ANXA8: variants seen among roughly 807,000 people sequenced by gnomAD.
ANXA8 encodes the protein VAC-beta.
Under a neutral mutation model 26.8 loss-of-function variants are expected in ANXA8, and 9 were observed. The ratio of observed to expected loss-of-function variants is 0.34; its 90% CI spans 0.20 to 0.59. ANXA8 has a LOEUF of 0.59. Among genes scored for constraint, ANXA8 ranks in the 20% least tolerant of loss-of-function variants. The pLI, the probability that ANXA8 is intolerant of heterozygous loss-of-function variation, is 0.84. For synonymous variants in ANXA8, 39 were observed against 94.8 expected (o/e 0.41, Z 3.42); for missense variants, 83 against 238.5 (o/e 0.35, Z 4.29).
chr10:47,741,839 A>ATTTTT, the ANXA8 span, among the ~76,000 whole-genome samples: 1 of 123,194 alleles, frequency 8.1e-6, no homozygotes, highest in African/African-American at 2.9e-5. Flanking sequence ...ATAAACAGGG[A>ATTTTT]TTTTTTTTTT....
At chr10:47,743,371 C>CATAT in the ANXA8 span, among the ~76,000 whole-genome samples, 197 of 48,458 alleles carry the variant, frequency 4.1e-3, 5 homozygotes, top group African/African-American at 9.1e-3. Context: ...TATATATATA[C>CATAT]ATATATATGT....
the ANXA8 span, among the ~76,000 whole-genome samples, chr10:47,905,388 T>TA: frequency 7.1e-6 from 1 of 141,664 alleles, no homozygotes; most frequent in Non-Finnish European, 1.5e-5. Context: ...AAGTCAGCTT[T>TA]AATTAAACTG....
the ANXA8 span, among the ~76,000 whole-genome samples, chr10:47,587,023 G>C: frequency 6.8e-6 from 1 of 146,240 alleles, no homozygotes; most frequent in East Asian, 1.9e-4. Context: ...TGGTCAACAT[G>C]GTGAAATCCC....
chr10:47,743,281 C>CATATAT, the ANXA8 span, among the ~76,000 whole-genome samples: 3 of 64,716 alleles, frequency 4.6e-5, no homozygotes, highest in Admixed American at 2.3e-4. Context: ...TATATATACA[C>CATATAT]ACATATATAT....
chr10:47,488,713 A>ATTTTTTT (rs1160121365), upstream of ANXA8, among the ~76,000 whole-genome samples: 72 of 62,128 alleles, frequency 1.2e-3, 3 homozygotes, highest in African/African-American at 1.9e-3. Flanking sequence ...TACATGTTAA[A>ATTTTTTT]TTTTTTTTTT....
the ANXA8 span, among the ~76,000 whole-genome samples, chr10:47,747,311 A>G: frequency 8.6e-5 from 13 of 151,808 alleles, no homozygotes; most frequent in African/African-American, 3.1e-4. Flanking sequence ...CAGAAAAGGA[A>G]CACTTTCCCC....
chr10:47,518,760 G>A, the ANXA8 span, among the ~76,000 whole-genome samples: 1 of 134,766 alleles, frequency 7.4e-6, no homozygotes. Flanking sequence ...TGGACATGGT[G>A]TCTGAAGCTC....
chr10:47,662,459 CT>C, the ANXA8 span, among the ~76,000 whole-genome samples: 2 of 151,920 alleles, frequency 1.3e-5, no homozygotes, highest in African/African-American at 4.8e-5. Context: ...TTGAAATACG[CT>C]TGGAATTGAA....
chr10:47,652,735 T>G, the ANXA8 span, among the ~76,000 whole-genome samples: 5 of 138,302 alleles, frequency 3.6e-5, no homozygotes, highest in Admixed American at 3.5e-4. Context: ...CTGAAGTAGT[T>G]GAATGCCACT....
the ANXA8 span, among the ~76,000 whole-genome samples, chr10:47,552,145 C>T: frequency 1.1e-4 from 17 of 151,956 alleles, no homozygotes; most frequent in African/African-American, 3.9e-4. Flanking sequence ...AGATGAGTTA[C>T]CTCTGCTAAG....
the ANXA8 span, among the ~76,000 whole-genome samples, chr10:47,944,927 T>C: frequency 6.2e-5 from 9 of 145,296 alleles, no homozygotes; most frequent in East Asian, 2.0e-3. Context: ...CAGCCCCATC[T>C]CGCTTCATGT....
Position 47,470,071 on chromosome 10 carries a change from C to T in ANXA8, c.925-1165G>A, listed in dbSNP as rs1170256423. Among the ~76,000 whole-genome samples, 9 of 151,454 alleles carry T rather than the reference C, an allele frequency of 5.9e-5. No homozygotes were observed. The South Asian group carries it at 6.2e-4, about 10-fold the overall frequency. On this transcript the variant is annotated intron_variant, in intron 11 of 11. Transcript: ENST00000585281. ...TTTTATTATTTTGAGGACAATTTTTCGAATAGTTTTTAGAAAGAAAAGCAT... is the reference window on the plus strand; with the variant it reads ...TTTTATTATTTTGAGGACAATTTTTTGAATAGTTTTTAGAAAGAAAAGCAT...
At chr10:47,495,244 T>G in the ANXA8 span, among the ~76,000 whole-genome samples, 2 of 142,222 alleles carry the variant, frequency 1.4e-5, no homozygotes, top group Non-Finnish European at 3.1e-5. Flanking sequence ...CTGGGTCTGA[T>G]AGAAACATGG....
the ANXA8 span, chr10:47,691,054 T>A: frequency 6.2e-7 from 1 of 1,610,840 alleles, no homozygotes. Context: ...TGGTGCTATC[T>A]CCATGCCATG....
At chr10:47,610,132 T>C in the ANXA8 span, among the ~76,000 whole-genome samples, 6 of 145,342 alleles carry the variant, frequency 4.1e-5, no homozygotes, top group Non-Finnish European at 7.4e-5. Context: ...CAGAGCAAAA[T>C]TGTTGCATAC....
chr10:47,589,784 T>C, the ANXA8 span, among the ~76,000 whole-genome samples: 1 of 145,420 alleles, frequency 6.9e-6, no homozygotes, highest in Non-Finnish European at 1.5e-5. Context: ...GCCTTGGTTC[T>C]ACCTTTTCAG....
chr10:47,514,407 A>C, the ANXA8 span, among the ~76,000 whole-genome samples: 1 of 140,560 alleles, frequency 7.1e-6, no homozygotes, highest in Non-Finnish European at 1.5e-5. Flanking sequence ...CGTGGGAGCT[A>C]AGCTATGAGG....
At chr10:47,975,778 A>T in the ANXA8 span, among the ~76,000 whole-genome samples, 2 of 148,872 alleles carry the variant, frequency 1.3e-5, no homozygotes, top group Non-Finnish European at 3.0e-5. Context: ...TGTCCTGGGT[A>T]CAGAGAAGGC....
the ANXA8 span, among the ~76,000 whole-genome samples, chr10:47,644,809 G>A: frequency 1.3e-5 from 2 of 150,744 alleles, no homozygotes; most frequent in Admixed American, 6.6e-5. Context: ...AGATGAACAT[G>A]TCTAAAACAC....
Sources: gnomAD v4.1 joint callset for allele counts (sites outside exome capture counted in the v4.1 genomes callset) on GRCh38, gnomAD v4.1.1 for gene constraint, MANE v1.5 for transcripts, NCBI Gene and HGNC (gene_info 2026-07-23, HGNC 2026-07-21) for gene names.